TTLL5: variants seen among roughly 807,000 people sequenced by gnomAD.
TTLL5 encodes the protein tubulin polyglutamylase TTLL5.
Under a neutral mutation model 168.4 loss-of-function variants are expected in TTLL5, and 132 were observed. The observed-to-expected ratio is 0.78, with a 90% CI of 0.68 to 0.91. The LOEUF (loss-of-function observed/expected upper bound fraction) is 0.91. Among genes scored for constraint, TTLL5 ranks in the 40% least tolerant of loss-of-function variants. The pLI, the probability that TTLL5 is intolerant of heterozygous loss-of-function variation, is 0.00. For synonymous variants in TTLL5, 546 were observed against 558.6 expected (o/e 0.98, Z 0.32); for missense variants, 1,545 against 1,581.5 (o/e 0.98, Z 0.39).
chr14:75,764,909 AACTT>A, intron 19 of TTLL5, 137 bp downstream of exon 19: 1 of 1,008,242 alleles, frequency 9.9e-7, no homozygotes, highest in East Asian at 2.6e-5. Flanking sequence ...TTTTCTCTGA[AACTT>A]AATTTCAACA....
chr14:75,775,342 C>A lies in TTLL5; in HGVS notation c.2137-142C>A. On this transcript the variant is annotated intron_variant, in intron 21 of 31. Coordinates refer to ENST00000298832, the MANE Select transcript of TTLL5 (RefSeq NM_015072.5). ...CTTTCTGTATGCTTCTTATACCTAA[C>A]CTTTTTGTTCTGGGTCTTGTTTGTT... The A allele has an allele frequency of 3.2e-6, 3 of 923,870 alleles. No individual in the cohort carries two copies. In the South Asian group the frequency reaches 6.8e-5, roughly 21 times the overall value. The allele number at this position is 923,870 out of a possible 1,614,324, so 57.2% of individuals were successfully genotyped here.
intron 28 of TTLL5, among the ~76,000 whole-genome samples, chr14:75,829,119 G>T (rs1402452645): frequency 6.6e-6 from 1 of 152,184 alleles, no homozygotes; most frequent in Non-Finnish European, 1.5e-5. Context: ...GAGTTCCGAG[G>T]AGAAATTTAT....
intron 5 of TTLL5, 113 bp from the exon 6 acceptor site, chr14:75,690,079 A>G: frequency 1.8e-6 from 2 of 1,133,162 alleles, no homozygotes; most frequent in East Asian, 5.0e-5. Flanking sequence ...AGGATACAAT[A>G]CTATCTTCAC....
chr14:75,948,275 A>G (rs2034841713), intron 31 of TTLL5, among the ~76,000 whole-genome samples: 1 of 152,158 alleles, frequency 6.6e-6, no homozygotes, highest in African/African-American at 2.4e-5. Context: ...ACCTGAGGTC[A>G]GGAGTTCGAG....
At chr14:75,779,800 T>G in intron 24 of TTLL5, 98 bp downstream of exon 24, 1 of 1,275,622 alleles carries the variant, frequency 7.8e-7, no homozygotes, top group Non-Finnish European at 1.1e-6. Flanking sequence ...TAAGCACTAA[T>G]AGTCCCCAAG....
In TTLL5 at chr14:75,683,593, C is replaced by T; in HGVS notation, c.308C>T (p.Ser103Phe). The change falls in exon 5 of 32, where the codon TCC becomes TTC. Residue 103 changes from serine (S) to phenylalanine (F), a missense_variant. Coordinates refer to ENST00000298832, the MANE Select transcript of TTLL5 (RefSeq NM_015072.5). ...GACTATAACCTAATGTGGACAGGAT[C>T]CCACCTGAAGCCCTTCTTACTGCGC... ...STDYNLMWTG[S>F]HLKPFLLRTL... 1 of 1,613,976 alleles carries T rather than the reference C, an allele frequency of 6.2e-7. No individual in the cohort carries two copies. Among genetic ancestry groups the T allele is most frequent in the Non-Finnish European group, 8.5e-7 (1 of 1,179,914 alleles).
chr14:75,879,170 A>T (rs1366713233), intron 29 of TTLL5, among the ~76,000 whole-genome samples: 1 of 152,222 alleles, frequency 6.6e-6, no homozygotes, highest in Admixed American at 6.5e-5. Flanking sequence ...AGTGGCTATA[A>T]TACATGGTAG....
intron 18 of TTLL5, among the ~76,000 whole-genome samples, chr14:75,753,711 A>G (rs1249559273): frequency 6.6e-6 from 1 of 152,214 alleles, no homozygotes; most frequent in African/African-American, 2.4e-5. Context: ...ATTACGATTG[A>G]TTAATCACAT....
intron 29 of TTLL5, among the ~76,000 whole-genome samples, chr14:75,876,144 G>A (rs1443172706): frequency 1.3e-5 from 2 of 152,222 alleles, no homozygotes; most frequent in African/African-American, 4.8e-5. Flanking sequence ...GGTCACCCAT[G>A]TGATGTCTTA....
intron 21 of TTLL5, among the ~76,000 whole-genome samples, chr14:75,774,769 A>C (rs2140315692): frequency 6.6e-6 from 1 of 151,828 alleles, no homozygotes; most frequent in South Asian, 2.1e-4. Context: ...GCTCGGTGCA[A>C]CCTCCACCTC....
intron 31 of TTLL5, among the ~76,000 whole-genome samples, chr14:75,929,771 C>G (rs75395994): frequency 3.3e-5 from 5 of 152,116 alleles, no homozygotes; most frequent in Non-Finnish European, 7.4e-5. Flanking sequence ...CTATTTTTCA[C>G]TCAGCATTTC....
intron 31 of TTLL5, among the ~76,000 whole-genome samples, chr14:75,938,479 G>A (rs2034498009): frequency 6.6e-6 from 1 of 152,206 alleles, no homozygotes; most frequent in African/African-American, 2.4e-5. Context: ...CAAGACAGAT[G>A]ACTTTATGTA....
At chr14:75,756,016 G>A in intron 18 of TTLL5, among the ~76,000 whole-genome samples, 1 of 115,244 alleles carries the variant, frequency 8.7e-6, no homozygotes, top group East Asian at 2.7e-4. Context: ...GTGAAGTATT[G>A]GTACTTACTA....
chr14:75,942,265 C>T (rs765484548), intron 31 of TTLL5, among the ~76,000 whole-genome samples: 2 of 151,980 alleles, frequency 1.3e-5, no homozygotes, highest in East Asian at 3.9e-4. Context: ...TACAGATTGC[C>T]GCTTACCACA....
At chr14:75,759,069 T>C (rs1326433288) in intron 18 of TTLL5, among the ~76,000 whole-genome samples, 10 of 152,090 alleles carry the variant, frequency 6.6e-5, no homozygotes, top group Admixed American at 5.9e-4. Flanking sequence ...CCAAAGTGTG[T>C]TCATTGATAA....
chr14:75,663,032 C>A (rs2140074194), intron 1 of TTLL5, 23 bp from the exon 2 acceptor site: 3 of 812,962 alleles, frequency 3.7e-6, no homozygotes, highest in East Asian at 5.3e-5. Flanking sequence ...GTCAATTGAT[C>A]CAATCAAGTT....
chr14:75,902,317 A>C (rs2032960800), intron 31 of TTLL5, 93 bp downstream of exon 31: 5 of 1,287,756 alleles, frequency 3.9e-6, no homozygotes, highest in Non-Finnish European at 4.4e-6. Context: ...AGAGAGCCCC[A>C]GTTCAAAGAA....
rs145430209 is a variant in TTLL5, at chr14:75,717,944, A to G, written c.824A>G (p.Lys275Arg). 4.2e-4 allele frequency: 676 copies of G among 1,613,676 alleles called. 4 individuals are homozygous for G. The highest frequency in any genetic ancestry group is 3.6e-4 in the Non-Finnish European group (426 of 1,179,864). Residue 275 changes from lysine (K) to arginine (R), a missense_variant, in exon 10 of 32, where the codon AAA (lysine) becomes AGA (arginine). Physicochemically the swap from Lys to Arg is conservative, Grantham distance 26 (BLOSUM62 2). Transcript: ENST00000298832. ...CTGACAAACTACAGTGTCAACAAGA[A>G]AAGTGGAGATTACGTCAGGTACTGG... is the stretch of plus-strand genomic sequence containing the variant. ...MHLTNYSVNKKSGDYVSCDDP... is the reference protein window; with the variant it reads ...MHLTNYSVNKRSGDYVSCDDP...
chr14:75,914,033 A>AAAAAAAAAATATATATAT, intron 31 of TTLL5, among the ~76,000 whole-genome samples: 5 of 71,084 alleles, frequency 7.0e-5, no homozygotes, highest in African/African-American at 4.7e-4. Context: ...AAAAAAAAAA[A>AAAAAAAAAATATATATAT]ATATATATAT....
Sources: gnomAD v4.1 joint callset for allele counts (sites outside exome capture counted in the v4.1 genomes callset) on GRCh38, gnomAD v4.1.1 for gene constraint, MANE v1.5 for transcripts, NCBI Gene and HGNC (gene_info 2026-07-23, HGNC 2026-07-21) for gene names.